Variants in DPP10 observed in about 807,000 individuals in gnomAD.
DPP10 encodes the protein dipeptidyl peptidase like 10.
Under a neutral mutation model 120.9 loss-of-function variants are expected in DPP10, and 33 were observed. The ratio of observed to expected loss-of-function variants is 0.27; its 90% CI spans 0.21 to 0.37. The LOEUF (loss-of-function observed/expected upper bound fraction) is 0.37, where lower values mean the gene tolerates loss of function less well. Among genes scored for constraint, DPP10 ranks in the 10% least tolerant of loss-of-function variants. The pLI, the probability that DPP10 is intolerant of heterozygous loss-of-function variation, is 1.00. For synonymous variants in DPP10, 337 were observed against 326.1 expected (o/e 1.03, Z -0.36); for missense variants, 816 against 942.8 (o/e 0.87, Z 1.76).
chr2:115,561,429 G>A (rs1034385071), intron 5 of DPP10, among the ~76,000 whole-genome samples: 14 of 147,998 alleles, frequency 9.5e-5, no homozygotes, highest in African/African-American at 2.0e-4. Context: ...GTGTTATCAC[G>A]TCCAAAAAAA....
At chr2:114,823,449 A>G (rs1217396429) in intron 1 of DPP10, among the ~76,000 whole-genome samples, 1 of 152,146 alleles carries the variant, frequency 6.6e-6, no homozygotes, top group African/African-American at 2.4e-5. Context: ...AACATATCCC[A>G]TCTTAAAATT....
At chr2:114,513,744 G>A (rs1339439494) in intron 1 of DPP10, among the ~76,000 whole-genome samples, 1 of 152,114 alleles carries the variant, frequency 6.6e-6, no homozygotes, top group Non-Finnish European at 1.5e-5. Flanking sequence ...TTGGGGAAGA[G>A]AAGGCATGAA....
rs369117452 is a variant in DPP10 at position 114,658,083 on chromosome 2, A to G, written c.60+215245A>G. On this transcript the variant is annotated intron_variant, in intron 1 of 25. Coordinates refer to ENST00000410059, the MANE Select transcript of DPP10 (RefSeq NM_020868.6). ...ATTCATATATTTGAGTTGAAAATAT[A>G]TACACATTTGTGAGACAGATTAGAT... Among the ~76,000 whole-genome samples, 265 of 152,350 alleles carry G rather than the reference A, an allele frequency of 1.7e-3. 1 individual carries two copies. Among genetic ancestry groups the G allele is most frequent in the Middle Eastern group, 0.014 (4 of 294 alleles).
At chr2:115,541,471 G>T (rs566568077) in intron 5 of DPP10, among the ~76,000 whole-genome samples, 2 of 151,544 alleles carry the variant, frequency 1.3e-5, no homozygotes, top group Admixed American at 6.6e-5. Flanking sequence ...TATGTGTGTT[G>T]GGGTGTGTGT....
intron 1 of DPP10, among the ~76,000 whole-genome samples, chr2:114,813,001 G>A (rs568405512): frequency 6.6e-6 from 1 of 152,234 alleles, no homozygotes; most frequent in East Asian, 1.9e-4. Context: ...CATGCATCAC[G>A]TACAGCTGTA....
intron 3 of DPP10, among the ~76,000 whole-genome samples, chr2:115,344,508 A>G (rs1229508511): frequency 2.0e-5 from 3 of 152,118 alleles, no homozygotes; most frequent in African/African-American, 7.2e-5. Flanking sequence ...AAGTGTTACA[A>G]GCTAGTGAGA....
chr2:114,772,247 T>C (rs1363770792), intron 1 of DPP10, among the ~76,000 whole-genome samples: 6 of 151,998 alleles, frequency 3.9e-5, no homozygotes, highest in Non-Finnish European at 4.4e-5. Context: ...AACCTCTGCC[T>C]CCCAGATTCA....
intron 1 of DPP10, among the ~76,000 whole-genome samples, chr2:115,265,753 A>G (rs1363213688): frequency 6.6e-6 from 1 of 152,040 alleles, no homozygotes; most frequent in Non-Finnish European, 1.5e-5. Flanking sequence ...TTAAATGCCA[A>G]ATAAATAGTG....
chr2:115,441,855 C>A (rs1359181173), intron 3 of DPP10, among the ~76,000 whole-genome samples: 1 of 129,460 alleles, frequency 7.7e-6, no homozygotes, highest in Non-Finnish European at 1.6e-5. Context: ...CTCGCTGTTT[C>A]CCCAGGCTGG....
Position 114,719,914 on chromosome 2 carries a change from T to C in DPP10, c.60+277076T>C, listed in dbSNP as rs78240863. ...ATACAGTGGCCTGGGATAAAATCTA[T>C]TGGGCCTGCAGAGCAGACAACTGTT... is the stretch of plus-strand genomic sequence containing the variant. On this transcript the variant is annotated intron_variant, in intron 1 of 25. Coordinates refer to ENST00000410059, the MANE Select transcript of DPP10 (RefSeq NM_020868.6). Among the ~76,000 whole-genome samples, 35 of 152,310 alleles carry C rather than the reference T, an allele frequency of 2.3e-4. No homozygotes were observed. The East Asian group carries it at 5.0e-3, about 22-fold the overall frequency.
intron 1 of DPP10, among the ~76,000 whole-genome samples, chr2:115,252,858 G>C (rs928284755): frequency 1.3e-5 from 2 of 152,172 alleles, no homozygotes; most frequent in African/African-American, 4.8e-5. Context: ...CTAGCTATAA[G>C]GAGTTTGCCA....
chr2:115,209,678 T>C (rs956028536), intron 1 of DPP10, among the ~76,000 whole-genome samples: 4 of 152,184 alleles, frequency 2.6e-5, no homozygotes, highest in African/African-American at 7.2e-5. Context: ...CAATGTGGTC[T>C]TGCAGCTCAG....
intron 1 of DPP10, among the ~76,000 whole-genome samples, chr2:114,702,830 G>A (rs906824931): frequency 4.8e-4 from 73 of 152,250 alleles, no homozygotes; most frequent in African/African-American, 1.7e-3. Context: ...AACCAGCTGA[G>A]TGGATGGAAA....
At chr2:114,512,715 T>G (rs1684247267) in intron 1 of DPP10, among the ~76,000 whole-genome samples, 1 of 152,202 alleles carries the variant, frequency 6.6e-6, no homozygotes, top group Non-Finnish European at 1.5e-5. Flanking sequence ...GAGTACTAAT[T>G]CGTCATCACC....
chr2:115,776,024 T>G (rs1393251817), intron 13 of DPP10, among the ~76,000 whole-genome samples: 1 of 152,148 alleles, frequency 6.6e-6, no homozygotes, highest in Non-Finnish European at 1.5e-5. Context: ...GCCAAAAGCT[T>G]TATTCATATA....
intron 1 of DPP10, among the ~76,000 whole-genome samples, chr2:114,745,924 C>T (rs1440237283): frequency 6.6e-6 from 1 of 152,142 alleles, no homozygotes; most frequent in Non-Finnish European, 1.5e-5. Flanking sequence ...TTTTATTTCC[C>T]ATTGGTCTTT....
intron 1 of DPP10, among the ~76,000 whole-genome samples, chr2:114,605,215 T>G (rs1299019926): frequency 6.6e-6 from 1 of 152,018 alleles, no homozygotes; most frequent in Admixed American, 6.6e-5. Context: ...ACTGGAAACT[T>G]AAGCATCTAA....
At chr2:114,846,742 G>C (rs1162252306) in intron 1 of DPP10, among the ~76,000 whole-genome samples, 1 of 152,092 alleles carries the variant, frequency 6.6e-6, no homozygotes, top group African/African-American at 2.4e-5. Flanking sequence ...TGCAATTTAT[G>C]AGTTGTTCAT....
intron 1 of DPP10, among the ~76,000 whole-genome samples, chr2:115,169,000 T>A (rs1470263036): frequency 6.6e-6 from 1 of 152,202 alleles, no homozygotes; most frequent in Non-Finnish European, 1.5e-5. Context: ...TTTTCTAAGT[T>A]TTTCATGCCA....
Sources: gnomAD v4.1 joint callset for allele counts (sites outside exome capture counted in the v4.1 genomes callset) on GRCh38, gnomAD v4.1.1 for gene constraint, MANE v1.5 for transcripts, NCBI Gene and HGNC (gene_info 2026-07-23, HGNC 2026-07-21) for gene names.